Variants in TMEM132E observed in about 807,000 individuals in gnomAD.
TMEM132E encodes transmembrane protein 132E.
TMEM132E carries 49 observed loss-of-function variants against 78.5 expected under a neutral mutation model. The observed-to-expected ratio is 0.62, with a 90% confidence interval of 0.50 to 0.79. The LOEUF is 0.79. Among genes scored for constraint, TMEM132E ranks in the 30% least tolerant of loss-of-function variants. The pLI, the probability that TMEM132E is intolerant of heterozygous loss-of-function variation, is 0.00. For missense variants in TMEM132E, 1,403 were observed against 1,470.9 expected (o/e 0.95, Z 0.75); for synonymous variants, 715 against 670.6 (o/e 1.07, Z -1.02).
At position 34,626,915 on chromosome 17, in the gene TMEM132E, C is replaced by A. The variant is rs1907164082; in HGVS notation, c.856C>A (p.Gln286Lys). The A allele has an allele frequency of 6.8e-6, 11 of 1,613,506 alleles. No homozygotes were observed. Among genetic ancestry groups the A allele is most frequent in the Non-Finnish European group, 8.5e-6 (10 of 1,179,998 alleles). Residue 286 changes from glutamine to lysine, a missense_variant, in exon 2 of 9, where the codon CAG becomes AAG. By Grantham distance (53) the Gln-to-Lys change is moderately conservative. Coordinates refer to ENST00000631683, the MANE Select transcript of TMEM132E (RefSeq NM_001304438.2). The part of the protein sequence containing the change: ...LFRPPPRRTL[Q>K]EHRLDSNLMI... ...CCGCCCGCCCCCCAGGAGGACCCTG[C>A]AGGAGCACAGGCTGGACAGCAACCT...
At chr17:34,592,785 A>C (rs901653914) in intron 1 of TMEM132E, among the ~76,000 whole-genome samples, 1 of 152,222 alleles carries the variant, frequency 6.6e-6, no homozygotes, top group Non-Finnish European at 1.5e-5. Context: ...ATCAAGGAAC[A>C]CTTAGGAGTC....
At position 34,599,203 on chromosome 17, in the gene TMEM132E, G is replaced by C. The variant is rs916837091; in HGVS notation, c.67+18060G>C. On this transcript the variant is annotated intron_variant, in intron 1 of 8. Coordinates refer to ENST00000631683, the MANE Select transcript of TMEM132E (RefSeq NM_001304438.2). ...ATCTTCAGTAGAAACTGAGGTGGGG[G>C]GTTCCCCACAGCAAGAGGGTATGTG... 3.9e-5 allele frequency among the ~76,000 whole-genome samples: 6 copies of C among 152,164 alleles called. No individual in the cohort carries two copies. The South Asian group carries it at 1.2e-3, about 31-fold the overall frequency.
At chr17:34,616,621 G>A (rs999733671) in intron 1 of TMEM132E, among the ~76,000 whole-genome samples, 2 of 152,198 alleles carry the variant, frequency 1.3e-5, no homozygotes, top group African/African-American at 2.4e-5. Flanking sequence ...ACTAGCCTGT[G>A]CCAGAGGAGA....
At chr17:34,588,979 C>A (rs903321027) in intron 1 of TMEM132E, among the ~76,000 whole-genome samples, 1 of 152,164 alleles carries the variant, frequency 6.6e-6, no homozygotes, top group African/African-American at 2.4e-5. Context: ...GTCTCGAACT[C>A]CTGACTTCAG....
intron 5 of TMEM132E, among the ~76,000 whole-genome samples, chr17:34,630,493 G>T (rs1907317946): frequency 6.6e-6 from 1 of 152,192 alleles, no homozygotes; most frequent in African/African-American, 2.4e-5. Context: ...GCCAGAGGGG[G>T]AGAAAGCAGT....
In TMEM132E at chr17:34,638,255, G is replaced by C. The variant is rs1055118240; in HGVS notation, c.*23G>C. The stretch of plus-strand genomic sequence containing the variant: ...TAGAGGCGCCAGCCGGAGTAGCAGG[G>C]ACCCCCCCCCCCAACGGGGTCAGCT... On this transcript the variant is annotated 3_prime_UTR_variant, in exon 9 of 9. Transcript: ENST00000631683. 3 of 1,461,506 alleles carry C rather than the reference G, an allele frequency of 2.1e-6. No homozygotes were observed. Among genetic ancestry groups the C allele is most frequent in the African/African-American group, 1.6e-5 (1 of 61,586 alleles). 90.5% of individuals were successfully genotyped at this position (1,461,506 alleles called of 1,614,324 possible).
intron 1 of TMEM132E, among the ~76,000 whole-genome samples, chr17:34,620,702 C>T (rs967478512): frequency 6.6e-6 from 1 of 152,258 alleles, no homozygotes; most frequent in African/African-American, 2.4e-5. Context: ...CCTGATCTGT[C>T]AGAGTCAGAG....
chr17:34,592,478 A>G (rs1388920373), intron 1 of TMEM132E, among the ~76,000 whole-genome samples: 4 of 152,218 alleles, frequency 2.6e-5, no homozygotes, highest in African/African-American at 9.6e-5. Flanking sequence ...TCTGACAAGG[A>G]ACACAGGCCT....
chr17:34,628,758 T>C, intron 3 of TMEM132E, 49 bp downstream of exon 3: 21 of 1,518,494 alleles, frequency 1.4e-5, no homozygotes, highest in Non-Finnish European at 1.6e-5. Flanking sequence ...AGCAGCCATC[T>C]GAGAGGAGTG....
chr17:34,635,102 T>C lies in TMEM132E; in HGVS notation c.1977+15T>C. On this transcript the variant is annotated intron_variant, in intron 7 of 8. Coordinates refer to ENST00000631683, the MANE Select transcript of TMEM132E (RefSeq NM_001304438.2). ...CCCCCTTTAAGGTAGGTATGGGCTC[T>C]GTCCCAGCACAAAGGGGCAGTGTCG... The C allele has an allele frequency of 6.3e-7, 1 of 1,597,824 alleles. No homozygotes were observed. Among genetic ancestry groups the C allele is most frequent in the Non-Finnish European group, 8.5e-7 (1 of 1,171,044 alleles).
At chr17:34,583,551 T>G (rs970419996) in intron 1 of TMEM132E, among the ~76,000 whole-genome samples, 1 of 152,158 alleles carries the variant, frequency 6.6e-6, no homozygotes, top group African/African-American at 2.4e-5. Context: ...GGGGACTTAG[T>G]CTCCCTTTAA....
At chr17:34,602,333 A>T (rs1462498295) in intron 1 of TMEM132E, among the ~76,000 whole-genome samples, 1 of 152,224 alleles carries the variant, frequency 6.6e-6, no homozygotes, top group African/African-American at 2.4e-5. Flanking sequence ...GTCAGAGACA[A>T]GGCTGACACA....
rs982512481 is a variant in TMEM132E, at chr17:34,638,467, G to C, written c.*235G>C. On this transcript the variant is annotated 3_prime_UTR_variant, in exon 9 of 9. Coordinates refer to ENST00000631683, the MANE Select transcript of TMEM132E (RefSeq NM_001304438.2). ...TGGAGGGCTCTTCCTCCAGTGGCTC[G>C]TAAGGAGGAAAGCAACCCCAGCCTC... 12 of 471,994 alleles carry C rather than the reference G, an allele frequency of 2.5e-5. No individual in the cohort carries two copies. The highest frequency in any genetic ancestry group is 1.8e-4 in the African/African-American group (9 of 49,726). 29.2% of individuals were successfully genotyped at this position (471,994 alleles called of 1,614,324 possible).
chr17:34,630,733 A>G (rs1204976152), intron 5 of TMEM132E, among the ~76,000 whole-genome samples: 4 of 152,094 alleles, frequency 2.6e-5, no homozygotes, highest in Non-Finnish European at 4.4e-5. Context: ...CCCGGCACAC[A>G]CGCTCCAGCT....
At position 34,602,457 on chromosome 17, in the gene TMEM132E, G is replaced by A. The variant is rs1906274636; in HGVS notation, c.67+21314G>A. ...GTAGGCCCCTGCAGCTCTCACATTT[G>A]GAGAGTTGGCCTGACAGGGGCCAGG... On this transcript the variant is annotated intron_variant, in intron 1 of 8. Transcript: ENST00000631683. Among the ~76,000 whole-genome samples, 3 of 152,352 alleles carry A rather than the reference G, an allele frequency of 2.0e-5. No homozygotes were observed. In the South Asian group the frequency reaches 6.2e-4, roughly 32 times the overall value.
At position 34,613,211 on chromosome 17, in the gene TMEM132E, A is replaced by ACACGCGCGCGCG; in HGVS notation, c.68-12915_68-12914insACGCGCGCGCGC. Among the ~76,000 whole-genome samples the ACACGCGCGCGCG allele has an allele frequency of 4.1e-3, 474 of 115,938 alleles. 4 individuals are homozygous for ACACGCGCGCGCG. Among genetic ancestry groups the ACACGCGCGCGCG allele is most frequent in the Middle Eastern group, 9.8e-3 (2 of 204 alleles). The allele number at this position is 115,938 out of a possible 152,430, so 76.1% of individuals were successfully genotyped here. On this transcript the variant is annotated intron_variant, in intron 1 of 8. Coordinates refer to ENST00000631683, the MANE Select transcript of TMEM132E (RefSeq NM_001304438.2). ...CACACACACACCCACACACACACAC[A>ACACGCGCGCGCG]CGCGCGCGCGCGCGCGTTCTTACAT... is the stretch of plus-strand genomic sequence containing the variant.
rs200103375 is a variant in TMEM132E at position 34,626,902 on chromosome 17, C to A, written c.843C>A (p.Pro281=). ...GCATCAGCCTGTTCCGCCCGCCCCC[C>A]AGGAGGACCCTGCAGGAGCACAGGC... ...IGSISLFRPP[P]RRTLQEHRLD... Residue 281 remains proline (P), a synonymous_variant, in exon 2 of 9, where the codon CCC becomes CCA. Coordinates refer to ENST00000631683, the MANE Select transcript of TMEM132E (RefSeq NM_001304438.2). The A allele has an allele frequency of 4.3e-6, 7 of 1,613,200 alleles. No homozygotes were observed. Among genetic ancestry groups the A allele is most frequent in the Non-Finnish European group, 5.9e-6 (7 of 1,179,950 alleles).
chr17:34,600,402 G>A (rs1231253224), intron 1 of TMEM132E, among the ~76,000 whole-genome samples: 4 of 150,036 alleles, frequency 2.7e-5, no homozygotes, highest in South Asian at 2.1e-4. Context: ...TAAGCAGCCC[G>A]TTTGTTAAGT....
At chr17:34,584,902 C>G (rs2142047582) in intron 1 of TMEM132E, among the ~76,000 whole-genome samples, 1 of 152,326 alleles carries the variant, frequency 6.6e-6, no homozygotes, top group East Asian at 1.9e-4. Context: ...GTGTCCTCAC[C>G]TCCATGATCC....
Sources: allele counts gnomAD v4.1 joint callset (sites outside exome capture counted in the v4.1 genomes callset), GRCh38; gene constraint gnomAD v4.1.1; transcripts MANE v1.5; gene names NCBI Gene and HGNC (gene_info 2026-07-23, HGNC 2026-07-21).